Variants in WDFY3 observed in about 807,000 individuals in gnomAD.
WDFY3 encodes the protein WD repeat and FYVE domain-containing protein 3.
A neutral mutation model predicts 409.6 loss-of-function variants in WDFY3; 66 were observed. The ratio of observed to expected loss-of-function variants is 0.16; its 90% CI spans 0.13 to 0.20. WDFY3 has a LOEUF of 0.20. WDFY3 is among the 10% of genes least tolerant of loss of function. The probability of loss-of-function intolerance (pLI) is 1.00; values close to 1 mark genes in which losing one functional copy is unlikely to be tolerated. For missense variants in WDFY3, 3,031 were observed against 4,298.1 expected (o/e 0.71, Z 8.24); for synonymous variants, 1,521 against 1,537.1 (o/e 0.99, Z 0.25).
intron 1 of WDFY3, among the ~76,000 whole-genome samples, chr4:84,960,474 G>A (rs894703303): frequency 1.3e-5 from 2 of 152,120 alleles, no homozygotes; most frequent in Admixed American, 6.5e-5. Context: ...CAAGACATTC[G>A]TGTATGTATA....
chr4:84,894,838 T>A (rs1346008886), intron 3 of WDFY3, among the ~76,000 whole-genome samples: 1 of 150,942 alleles, frequency 6.6e-6, no homozygotes, highest in Non-Finnish European at 1.5e-5. Context: ...TAATTCCAGT[T>A]ATTCAGGAGG....
chr4:84,713,369 G>A, intron 50 of WDFY3, 130 bp from the exon 51 acceptor site: 3 of 710,760 alleles, frequency 4.2e-6, no homozygotes, highest in South Asian at 3.7e-5. Context: ...CTAAATGGCA[G>A]GCAAAAGGAA....
chr4:84,731,273 G>C (rs1363064406), intron 44 of WDFY3, among the ~76,000 whole-genome samples: 1 of 152,122 alleles, frequency 6.6e-6, no homozygotes, highest in East Asian at 1.9e-4. Flanking sequence ...TGGGATAATA[G>C]ATACTACCAC....
chr4:84,696,930 G>A (rs1376306360), intron 56 of WDFY3, 107 bp from the exon 57 acceptor site: 6 of 910,880 alleles, frequency 6.6e-6, no homozygotes, highest in African/African-American at 1.7e-5. Flanking sequence ...ATACCAGAAC[G>A]CTAAAATTGT....
intron 21 of WDFY3, among the ~76,000 whole-genome samples, chr4:84,790,227 G>C (rs1207908371): frequency 1.3e-5 from 2 of 152,040 alleles, no homozygotes; most frequent in East Asian, 3.9e-4. Context: ...GCGCGCGTCT[G>C]TAGTTCCAGC....
In WDFY3 at chr4:84,678,906, G is replaced by T; in HGVS notation, c.10147+13C>A. On this transcript the variant is annotated intron_variant, in intron 65 of 67. Coordinates refer to ENST00000295888, the MANE Select transcript of WDFY3 (RefSeq NM_014991.6). The stretch of plus-strand genomic sequence containing the variant: ...TATAAGGAGTGAGAAATAGATACCA[G>T]ACTTCAAGTTACCAGGTTTCAATCT... 2 of 1,603,716 alleles carry T rather than the reference G, an allele frequency of 1.2e-6. No individual in the cohort carries two copies. The highest frequency in any genetic ancestry group is 2.2e-5 in the South Asian group (2 of 89,340).
At chr4:84,877,408 A>G (rs1455613555) in intron 3 of WDFY3, among the ~76,000 whole-genome samples, 1 of 152,050 alleles carries the variant, frequency 6.6e-6, no homozygotes, top group East Asian at 1.9e-4. Flanking sequence ...ATCAGGGCTC[A>G]TTGCAGCCTC....
At chr4:84,955,340 G>C (rs1447161044) in intron 1 of WDFY3, among the ~76,000 whole-genome samples, 1 of 152,170 alleles carries the variant, frequency 6.6e-6, no homozygotes, top group Non-Finnish European at 1.5e-5. Flanking sequence ...CTAGGGCTGT[G>C]AATGAATTAC....
At chr4:84,882,754 A>G (rs1222750792) in intron 3 of WDFY3, among the ~76,000 whole-genome samples, 6 of 151,034 alleles carry the variant, frequency 4.0e-5, no homozygotes, top group African/African-American at 1.5e-4. Flanking sequence ...TCATTCTGTC[A>G]CCCAGGATGG....
At chr4:84,889,624 G>A (rs1209196443) in intron 3 of WDFY3, among the ~76,000 whole-genome samples, 2 of 151,860 alleles carry the variant, frequency 1.3e-5, no homozygotes, top group African/African-American at 4.9e-5. Flanking sequence ...CTGTTCCTAT[G>A]AATTTCAAAT....
chr4:84,896,259 A>T (rs1198888468), intron 3 of WDFY3, among the ~76,000 whole-genome samples: 1 of 152,076 alleles, frequency 6.6e-6, no homozygotes, highest in African/African-American at 2.4e-5. Flanking sequence ...CATCTCAAAA[A>T]ATAAAGTAAA....
At chr4:84,850,940 T>G (rs1256212656) in intron 4 of WDFY3, among the ~76,000 whole-genome samples, 14 of 65,246 alleles carry the variant, frequency 2.1e-4, no homozygotes, top group Admixed American at 1.4e-3. Context: ...TTTTTTTTTT[T>G]TTTTTTTTTT....
intron 37 of WDFY3, among the ~76,000 whole-genome samples, chr4:84,742,255 CTTAA>C (rs1738563186): frequency 6.6e-6 from 1 of 152,144 alleles, no homozygotes; most frequent in South Asian, 2.1e-4. Flanking sequence ...TTTATTAGCT[CTTAA>C]TTGATTTTGT....
intron 1 of WDFY3, among the ~76,000 whole-genome samples, chr4:84,941,092 C>G (rs574790227): frequency 2.0e-5 from 3 of 151,972 alleles, no homozygotes; most frequent in African/African-American, 7.2e-5. Flanking sequence ...AATGCTTTCT[C>G]TTTTTAACAT....
At chr4:84,893,850 T>C (rs932965107) in intron 3 of WDFY3, among the ~76,000 whole-genome samples, 2 of 151,926 alleles carry the variant, frequency 1.3e-5, no homozygotes. Context: ...ATTAGCCAGA[T>C]GTGGTGGCCA....
In WDFY3 at chr4:84,758,083, T is replaced by C. The variant is rs545188423; in HGVS notation, c.5189-922A>G. ...TGTTTCCTCTGTTTTATAATGAAAC[T>C]CAGGATACACCCTAAGCATGTGGTT... On this transcript the variant is annotated intron_variant, in intron 32 of 67. Coordinates refer to ENST00000295888, the MANE Select transcript of WDFY3 (RefSeq NM_014991.6). 6.6e-5 allele frequency among the ~76,000 whole-genome samples: 10 copies of C among 152,294 alleles called. No individual in the cohort carries two copies. In the East Asian group the frequency reaches 1.9e-3, roughly 29 times the overall value.
intron 3 of WDFY3, among the ~76,000 whole-genome samples, chr4:84,878,086 T>C (rs1373957798): frequency 6.6e-6 from 1 of 152,204 alleles, no homozygotes; most frequent in Non-Finnish European, 1.5e-5. Context: ...AATGTACTTT[T>C]TAAAACATGT....
At chr4:84,848,123 A>G (rs1758373387) in intron 5 of WDFY3, among the ~76,000 whole-genome samples, 1 of 152,048 alleles carries the variant, frequency 6.6e-6, no homozygotes, top group African/African-American at 2.4e-5. Flanking sequence ...TGCCCAAATT[A>G]AAGGATATGA....
chr4:84,964,383 C>T (rs767355670), intron 1 of WDFY3, among the ~76,000 whole-genome samples: 12 of 152,198 alleles, frequency 7.9e-5, no homozygotes, highest in Non-Finnish European at 1.6e-4. Context: ...GGAGAAGGAT[C>T]ACTCGGGCCC....
Sources: gnomAD v4.1 joint callset for allele counts (sites outside exome capture counted in the v4.1 genomes callset) on GRCh38, gnomAD v4.1.1 for gene constraint, MANE v1.5 for transcripts, NCBI Gene and HGNC (gene_info 2026-07-23, HGNC 2026-07-21) for gene names.